The following RNF220 variants were observed in gnomAD, a reference collection of about 807,000 sequenced individuals.
RNF220 encodes E3 ubiquitin-protein ligase RNF220.
In RNF220, 7 loss-of-function variants were observed where a neutral mutation model predicts 67.1. The observed-to-expected ratio is 0.10, with a 90% confidence interval of 0.06 to 0.20. The LOEUF (loss-of-function observed/expected upper bound fraction) is 0.20, where lower values mean the gene tolerates loss of function less well. Among genes scored for constraint, RNF220 ranks in the 10% least tolerant of loss-of-function variants. RNF220 has a pLI of 1.00. For missense variants in RNF220, 565 were observed against 740.3 expected, an observed-to-expected ratio of 0.76 and a Z score of 2.75; for synonymous variants, 270 against 283.2, an observed-to-expected ratio of 0.95 and a Z score of 0.47.
intron 2 of RNF220, among the ~76,000 whole-genome samples, chr1:44,514,997 A>G (rs551975308): frequency 1.3e-5 from 2 of 152,318 alleles, no homozygotes; most frequent in African/African-American, 4.8e-5. Flanking sequence ...TCATGGGGGA[A>G]CAAACACAGA....
intron 2 of RNF220, among the ~76,000 whole-genome samples, chr1:44,586,262 G>C (rs752365634): frequency 3.3e-5 from 5 of 152,202 alleles, no homozygotes; most frequent in Non-Finnish European, 7.3e-5. Flanking sequence ...TGACAATTCG[G>C]TGTGGGCATT....
chr1:44,520,085 T>TTGTGTG (rs1167831790), intron 2 of RNF220, among the ~76,000 whole-genome samples: 9,271 of 105,674 alleles, frequency 0.088, 641 homozygotes, highest in East Asian at 0.17. Context: ...AAGTCCAGCA[T>TTGTGTG]TGTGTGTGTG....
intron 2 of RNF220, among the ~76,000 whole-genome samples, chr1:44,601,761 G>C (rs1356060940): frequency 6.6e-6 from 1 of 152,190 alleles, no homozygotes; most frequent in Non-Finnish European, 1.5e-5. Flanking sequence ...GGAAAGAGGA[G>C]ACGGAGCTGA....
At chr1:44,423,705 G>A (rs1038677592) in intron 2 of RNF220, 42 of 286,926 alleles carry the variant, frequency 1.5e-4, no homozygotes, top group Non-Finnish European at 1.8e-4. Context: ...TGCCCTACCC[G>A]GAAACGTGAC....
Position 44,466,513 on chromosome 1 carries a change from C to T in RNF220, c.625+53791C>T, listed in dbSNP as rs571884234. On this transcript the variant is annotated intron_variant, in intron 2 of 14. Coordinates refer to ENST00000361799, the MANE Select transcript of RNF220 (RefSeq NM_018150.4). ...TTCAATTTACTTTGCCCAGATCCATCGGAGGAATCACTATTTATAGCAGAT... is the reference window on the plus strand; with the variant it reads ...TTCAATTTACTTTGCCCAGATCCATTGGAGGAATCACTATTTATAGCAGAT... 3.9e-5 allele frequency among the ~76,000 whole-genome samples: 6 copies of T among 152,280 alleles called. No individual in the cohort carries two copies. In the South Asian group the frequency reaches 6.2e-4, roughly 16 times the overall value.
At chr1:44,643,429 A>G (rs2355365) in intron 8 of RNF220, 41,473 of 152,066 alleles carry the variant, frequency 0.27, 6,332 homozygotes, top group South Asian at 0.36. Context: ...TAAAGACATA[A>G]ATGGACCCAG....
At chr1:44,523,726 A>G (rs1660119538) in intron 2 of RNF220, among the ~76,000 whole-genome samples, 3 of 152,120 alleles carry the variant, frequency 2.0e-5, no homozygotes, top group Admixed American at 6.5e-5. Context: ...AAATGTGCTG[A>G]GGCAGCTCAG....
intron 2 of RNF220, among the ~76,000 whole-genome samples, chr1:44,576,861 C>T (rs920082938): frequency 1.3e-5 from 2 of 152,156 alleles, no homozygotes; most frequent in Non-Finnish European, 2.9e-5. Context: ...TCTTCCTCAC[C>T]TCATCTCCTC....
In RNF220 at chr1:44,651,125, A is replaced by C. The variant is rs989214221; in HGVS notation, c.*350A>C. Reference sequence around the variant, plus strand: ...CAGACGGACAGACAGACATGCAAACACCAGACTGAAGCACATGTAATATAG... The same window carrying C: ...CAGACGGACAGACAGACATGCAAACCCCAGACTGAAGCACATGTAATATAG... On this transcript the variant is annotated 3_prime_UTR_variant, in exon 15 of 15. Coordinates refer to ENST00000361799, the MANE Select transcript of RNF220 (RefSeq NM_018150.4). 2.4e-5 allele frequency: 9 copies of C among 369,168 alleles called. No homozygotes were observed. The highest frequency in any genetic ancestry group is 1.7e-4 in the African/African-American group (8 of 48,214). The allele number at this position is 369,168 out of a possible 1,614,324, so 22.9% of individuals were successfully genotyped here.
At chr1:44,475,628 GGAC>G (rs1220120312) in intron 2 of RNF220, among the ~76,000 whole-genome samples, 1 of 150,640 alleles carries the variant, frequency 6.6e-6, no homozygotes, top group Non-Finnish European at 1.5e-5. Flanking sequence ...ATGATATACA[GGAC>G]TTTTCAGATT....
chr1:44,490,947 A>G (rs1258229861), intron 2 of RNF220, among the ~76,000 whole-genome samples: 73 of 152,322 alleles, frequency 4.8e-4, no homozygotes, highest in Non-Finnish European at 2.9e-5. Flanking sequence ...ATAAGAGAAT[A>G]TTATGTACAA....
intron 2 of RNF220, among the ~76,000 whole-genome samples, chr1:44,484,536 G>A (rs1408014253): frequency 1.3e-5 from 2 of 152,142 alleles, no homozygotes; most frequent in Non-Finnish European, 2.9e-5. Flanking sequence ...GACATAGCAC[G>A]TACTTGGGGC....
chr1:44,466,654 T>G (rs1217738147), intron 2 of RNF220, among the ~76,000 whole-genome samples: 2 of 152,256 alleles, frequency 1.3e-5, no homozygotes, highest in Middle Eastern at 3.2e-3. Flanking sequence ...ACATTCATAT[T>G]CTTGTACATC....
At chr1:44,407,177 G>A (rs1647425201) in intron 1 of RNF220, among the ~76,000 whole-genome samples, 1 of 152,148 alleles carries the variant, frequency 6.6e-6, no homozygotes, top group Non-Finnish European at 1.5e-5. Flanking sequence ...TGGCCCGGGA[G>A]CCGCCGAGGG....
rs539700402 is a variant in RNF220, at chr1:44,555,576, G to A, written c.626-58589G>A. On this transcript the variant is annotated intron_variant, in intron 2 of 14. Coordinates refer to ENST00000361799, the MANE Select transcript of RNF220 (RefSeq NM_018150.4). ...TGCAAGCTCCGCCTCCCGGGTTCAC[G>A]CCATTCTCCTGCCTCAGCCTCTGGA... Among the ~76,000 whole-genome samples the A allele has an allele frequency of 1.8e-3, 277 of 151,722 alleles. 7 individuals carry two copies. Among genetic ancestry groups the A allele is most frequent in the African/African-American group, 6.5e-3 (266 of 41,178 alleles).
chr1:44,613,425 T>C (rs138014966), intron 2 of RNF220, among the ~76,000 whole-genome samples: 99 of 152,354 alleles, frequency 6.5e-4, no homozygotes, highest in African/African-American at 2.4e-3. Context: ...CCACAGAGCA[T>C]TGTGTGTCTC....
At chr1:44,618,811 A>ACAGTGG (rs1289837316) in intron 3 of RNF220, among the ~76,000 whole-genome samples, 1 of 152,140 alleles carries the variant, frequency 6.6e-6, no homozygotes, top group Non-Finnish European at 1.5e-5. Flanking sequence ...CCGACCCAGG[A>ACAGTGG]CAGTGGCAGT....
chr1:44,592,501 T>A (rs1666188983), intron 2 of RNF220, among the ~76,000 whole-genome samples: 1 of 152,162 alleles, frequency 6.6e-6, no homozygotes, highest in Non-Finnish European at 1.5e-5. Context: ...GGCCAGGCCT[T>A]CCTGGGAGGA....
At chr1:44,432,353 C>T (rs1372929815) in intron 2 of RNF220, among the ~76,000 whole-genome samples, 3 of 145,508 alleles carry the variant, frequency 2.1e-5, no homozygotes, top group African/African-American at 7.7e-5. Flanking sequence ...TCACTGCAAC[C>T]TCCACCCCCC....
Sources: gnomAD v4.1 joint callset for allele counts (sites outside exome capture counted in the v4.1 genomes callset) on GRCh38, gnomAD v4.1.1 for gene constraint, MANE v1.5 for transcripts, NCBI Gene and HGNC (gene_info 2026-07-23, HGNC 2026-07-21) for gene names.